Variants in TRUB2 observed in about 807,000 individuals in gnomAD.
TRUB2 encodes the protein pseudouridylate synthase TRUB2, mitochondrial.
Under a neutral mutation model 31.9 loss-of-function variants are expected in TRUB2, and 31 were observed. The ratio of observed to expected loss-of-function variants is 0.97; its 90% CI spans 0.73 to 1.31. TRUB2 has a LOEUF of 1.31. Among genes scored for constraint, TRUB2 ranks in the 50% most tolerant of loss-of-function variants. The pLI is 0.00. For synonymous variants in TRUB2, 201 were observed against 182.6 expected, an observed-to-expected ratio of 1.10 and a Z score of -0.81; for missense variants, 451 against 439.6, an observed-to-expected ratio of 1.03 and a Z score of -0.23.
chr9:128,322,129 C>T (rs1832196248), intron 1 of TRUB2, among the ~76,000 whole-genome samples, 171 bp downstream of exon 1: 2 of 152,290 alleles, frequency 1.3e-5, no homozygotes, highest in South Asian at 4.1e-4. Context: ...GTTTCCCCCT[C>T]GGAAAACAGA....
At position 128,319,253 on chromosome 9, in the gene TRUB2, G is replaced by C. The variant is rs550098481; in HGVS notation, c.242-2027C>G. On this transcript the variant is annotated intron_variant, in intron 2 of 7. Coordinates refer to ENST00000372890, the MANE Select transcript of TRUB2 (RefSeq NM_015679.3). ...AGGCAGGAGAATGGCGTGAACCCAG[G>C]AGGAGAAGCTTGCAGTGAGCCGAGA... 4.0e-5 allele frequency among the ~76,000 whole-genome samples: 6 copies of C among 151,662 alleles called. No homozygotes were observed. In the East Asian group the frequency reaches 1.2e-3, roughly 30 times the overall value.
At chr9:128,311,084 T>C (rs1316820069) in intron 6 of TRUB2, 61 bp from the exon 7 acceptor site, 60 of 1,591,234 alleles carry the variant, frequency 3.8e-5, no homozygotes, top group Non-Finnish European at 4.8e-5. Context: ...CCACATGAGG[T>C]GCCTCTCTGG....
chr9:128,308,316 G>C lies in TRUB2; in HGVS notation c.*1234C>G, dbSNP rs548501615. ...TGGGAGGCCAAGCCAGGCGGATCAC[G>C]AGGTCAGGAGATTGAGACCATCCTG... On this transcript the variant is annotated 3_prime_UTR_variant, in exon 8 of 8. Transcript: ENST00000372890. 1.3e-5 allele frequency: 2 copies of C among 151,854 alleles called. No individual in the cohort carries two copies. The highest frequency in any genetic ancestry group is 6.6e-5 in the Admixed American group (1 of 15,228). The allele number at this position is 151,854 out of a possible 1,614,324, so 9.4% of individuals were successfully genotyped here.
chr9:128,319,786 C>T lies in TRUB2; in HGVS notation c.241+1813G>A, dbSNP rs147915944. 1.6e-3 allele frequency among the ~76,000 whole-genome samples: 244 copies of T among 151,690 alleles called. 1 individual carries two copies. The highest frequency in any genetic ancestry group is 2.6e-3 in the Non-Finnish European group (175 of 67,922). Reference sequence around the variant, plus strand: ...TCCTGAGTAGCTGGGATTACAGGTACGTGCTATCATGCCCAGCTAATTTTT... The same window carrying T: ...TCCTGAGTAGCTGGGATTACAGGTATGTGCTATCATGCCCAGCTAATTTTT... On this transcript the variant is annotated intron_variant, in intron 2 of 7. Transcript: ENST00000372890.
intron 4 of TRUB2, 123 bp downstream of exon 4, chr9:128,315,444 A>G: frequency 1.1e-6 from 1 of 911,050 alleles, no homozygotes; most frequent in South Asian, 1.5e-5. Flanking sequence ...GCACACGATC[A>G]TCAAAAAAAT....
chr9:128,313,048 T>C (rs1019767792), intron 5 of TRUB2, among the ~76,000 whole-genome samples: 2 of 150,668 alleles, frequency 1.3e-5, no homozygotes, highest in African/African-American at 4.9e-5. Context: ...AAACCCAATT[T>C]CTACTAAAAA....
At chr9:128,312,666 G>C (rs1019715515) in intron 5 of TRUB2, among the ~76,000 whole-genome samples, 2 of 149,856 alleles carry the variant, frequency 1.3e-5, no homozygotes, top group Non-Finnish European at 3.0e-5. Flanking sequence ...CCAGGCTGGA[G>C]TGCAGTGGTG....
chr9:128,311,731 G>A (rs2131444110), intron 5 of TRUB2, 130 bp from the exon 6 acceptor site: 1 of 928,536 alleles, frequency 1.1e-6, no homozygotes, highest in Middle Eastern at 2.2e-4. Flanking sequence ...CCCCATGGCG[G>A]GGTGGTTGGG....
chr9:128,309,901 ATGG>A (rs1564381965), intron 7 of TRUB2, 26 bp from the exon 8 acceptor site: 1 of 1,605,746 alleles, frequency 6.2e-7, no homozygotes, highest in South Asian at 1.1e-5. Flanking sequence ...AATGACAGAC[ATGG>A]TGGTGAGAGC....
In TRUB2 at chr9:128,308,396, T is replaced by C. The variant is rs944553549; in HGVS notation, c.*1154A>G. On this transcript the variant is annotated 3_prime_UTR_variant, in exon 8 of 8. Coordinates refer to ENST00000372890, the MANE Select transcript of TRUB2 (RefSeq NM_015679.3). ...AAAATACAAAAAAATTAGCTGGGCG[T>C]GGTGGTGGGCACCTGTAGTCCCAGC... The C allele has an allele frequency of 2.0e-5, 3 of 151,880 alleles. No homozygotes were observed. The highest frequency in any genetic ancestry group is 7.3e-5 in the African/African-American group (3 of 41,280). The allele number at this position is 151,880 out of a possible 1,614,324, so 9.4% of individuals were successfully genotyped here.
chr9:128,310,190 C>T (rs758444878), intron 7 of TRUB2, among the ~76,000 whole-genome samples: 5 of 151,918 alleles, frequency 3.3e-5, no homozygotes, highest in Non-Finnish European at 5.9e-5. Context: ...ACCTCCTAGG[C>T]TCACATGATC....
In TRUB2 at chr9:128,309,590, G is replaced by C; in HGVS notation, c.956C>G (p.Pro319Arg). 2 of 1,613,504 alleles carry C rather than the reference G, an allele frequency of 1.2e-6. No homozygotes were observed. The highest frequency in any genetic ancestry group is 1.7e-6 in the Non-Finnish European group (2 of 1,179,658). ...SPGWSWDSQG[P>R]SSTLGLERGA... is the part of the protein sequence containing the mutation. ...CCTCTCCAGCCCCAAGGTAGAGCTC[G>C]GGCCCTGGGAGTCCCAGGACCATCC... is the stretch of plus-strand genomic sequence containing the variant. Residue 319 changes from proline (P) to arginine (R), a missense_variant, in exon 8 of 8, where the codon CCG becomes CGG. Coordinates refer to ENST00000372890, the MANE Select transcript of TRUB2 (RefSeq NM_015679.3).
At position 128,307,061 on chromosome 9, in the gene TRUB2, A is replaced by G. The variant is rs2131438322; in HGVS notation, c.*2489T>C. 6.6e-6 allele frequency: 1 copy of G among 152,094 alleles called. No homozygotes were observed. 9.4% of individuals were successfully genotyped at this position (152,094 alleles called of 1,614,324 possible). On this transcript the variant is annotated 3_prime_UTR_variant, in exon 8 of 8. Transcript: ENST00000372890. ...CACCTGAGGTCAGGACTTTGAGACC[A>G]GCATGTCCAACATGGTGAAACCCCG...
At chr9:128,311,340 C>A in intron 6 of TRUB2, 189 bp downstream of exon 6, 2 of 658,458 alleles carry the variant, frequency 3.0e-6, no homozygotes, top group South Asian at 3.8e-5. Flanking sequence ...CTCTTCTTGG[C>A]CTCCCGTTGG....
chr9:128,319,325 C>CA (rs1341161451), intron 2 of TRUB2, among the ~76,000 whole-genome samples: 5,898 of 89,304 alleles, frequency 0.066, 473 homozygotes, highest in African/African-American at 0.21. Context: ...GACTCCGTCT[C>CA]AAAAAAAAAA....
chr9:128,314,779 T>C (rs1281519386), intron 4 of TRUB2, among the ~76,000 whole-genome samples: 2 of 152,148 alleles, frequency 1.3e-5, no homozygotes, highest in Non-Finnish European at 2.9e-5. Context: ...AGTCTTGCTA[T>C]GTTGCCCAGA....
At position 128,322,299 on chromosome 9, in the gene TRUB2, C is replaced by T. The variant is rs750323144; in HGVS notation, c.109+1G>A. 7 of 1,613,346 alleles carry T rather than the reference C, an allele frequency of 4.3e-6. No homozygotes were observed. In the East Asian group the frequency reaches 8.9e-5, roughly 21 times the overall value. On this transcript the variant is annotated splice_donor_variant, in intron 1 of 7. Coordinates refer to ENST00000372890, the MANE Select transcript of TRUB2 (RefSeq NM_015679.3). LOFTEE classifies it high-confidence loss of function. ...ACGTGGGTCTGGTTCGAGGCACTCA[C>T]CCTTCAGAAGTTGTAGCTCCACTGT... is the stretch of plus-strand genomic sequence containing the variant.
In TRUB2 at chr9:128,321,652, T is replaced by C; in HGVS notation, c.188A>G (p.Lys63Arg). The C allele has an allele frequency of 6.2e-7, 1 of 1,614,036 alleles. No homozygotes were observed. ...GCTGGTGGCTGTGAGGGTCAGCTCC[T>C]TCTCTTCGCTGCCTTCCATGGGGCC... The part of the protein sequence containing the change: ...LLGPMEGSEE[K>R]ELTLTATSVP... Residue 63 changes from lysine to arginine, a missense_variant, in exon 2 of 8, where the codon AAG (lysine) becomes AGG (arginine). Lys to Arg is a conservative substitution (Grantham distance 26, BLOSUM62 2). Transcript: ENST00000372890.
intron 2 of TRUB2, among the ~76,000 whole-genome samples, chr9:128,320,538 G>T (rs951373500): frequency 1.3e-5 from 2 of 151,878 alleles, no homozygotes; most frequent in East Asian, 3.9e-4. Context: ...CTCCATGTTG[G>T]CCAGGCTGGT....
Sources: allele counts gnomAD v4.1 joint callset (sites outside exome capture counted in the v4.1 genomes callset), GRCh38; gene constraint gnomAD v4.1.1; transcripts MANE v1.5; gene names NCBI Gene and HGNC (gene_info 2026-07-23, HGNC 2026-07-21).